The following DMD variants were observed in gnomAD, a reference collection of about 807,000 sequenced individuals.
DMD encodes dystrophin.
DMD carries 63 observed loss-of-function variants against 330.1 expected under a neutral mutation model. The ratio of observed to expected loss-of-function variants is 0.19; its 90% CI spans 0.16 to 0.24. DMD has a LOEUF of 0.24. Among genes scored for constraint, DMD ranks in the 10% least tolerant of loss-of-function variants. DMD has a pLI of 1.00. For synonymous variants in DMD, 1,223 were observed against 959.8 expected, an observed-to-expected ratio of 1.27 and a Z score of -5.07; for missense variants, 3,344 against 2,684.1, an observed-to-expected ratio of 1.25 and a Z score of -5.43.
intron 17 of DMD, among the ~76,000 whole-genome samples, chrX:32,543,113 C>T (rs904643823): frequency 9.0e-6 from 1 of 111,574 alleles, no homozygotes; most frequent in East Asian, 2.8e-4. Flanking sequence ...AAAATACATG[C>T]GATGCCAATA....
intron 27 of DMD, among the ~76,000 whole-genome samples, chrX:32,447,961 G>A (rs985149044): frequency 2.7e-5 from 3 of 110,915 alleles, no homozygotes; most frequent in African/African-American, 9.8e-5. Context: ...AGCTGGTTAG[G>A]TAACATGTCT....
intron 60 of DMD, among the ~76,000 whole-genome samples, chrX:31,396,940 G>A (rs1470531473): frequency 1.8e-5 from 2 of 111,374 alleles, no homozygotes; most frequent in African/African-American, 6.5e-5. Context: ...CCCCGTGAAA[G>A]GCAGGTAAGG....
chrX:32,941,955 T>C (rs1407903668), intron 2 of DMD, among the ~76,000 whole-genome samples: 1 of 112,011 alleles, frequency 8.9e-6, no homozygotes, highest in Admixed American at 9.5e-5. Flanking sequence ...TTTCCTACTC[T>C]GCAGGTTATC....
At chrX:31,540,243 T>C (rs1366792005) in intron 55 of DMD, among the ~76,000 whole-genome samples, 2 of 112,197 alleles carry the variant, frequency 1.8e-5, no homozygotes, top group Non-Finnish European at 3.8e-5. Flanking sequence ...AATCAGTACA[T>C]CTTCTGATGT....
At chrX:32,721,820 G>C (rs959660809) in intron 7 of DMD, among the ~76,000 whole-genome samples, 1 of 109,948 alleles carries the variant, frequency 9.1e-6, no homozygotes, top group Non-Finnish European at 1.9e-5. Flanking sequence ...TATGATTTTA[G>C]GTCTTATATT....
At chrX:32,134,063 T>C (rs1326854701) in intron 44 of DMD, among the ~76,000 whole-genome samples, 2 of 112,019 alleles carry the variant, frequency 1.8e-5, no homozygotes, top group African/African-American at 3.2e-5. Context: ...CAATGAAGAA[T>C]ACCATGATAC....
At chrX:32,805,611 G>C (rs1265555370) in intron 7 of DMD, among the ~76,000 whole-genome samples, 4 of 110,799 alleles carry the variant, frequency 3.6e-5, no homozygotes, top group Non-Finnish European at 7.5e-5. Flanking sequence ...TCCTCAAAAA[G>C]AGCAACCCCA....
intron 2 of DMD, among the ~76,000 whole-genome samples, chrX:32,864,625 G>A (rs916003846): frequency 8.1e-5 from 9 of 111,521 alleles, no homozygotes; most frequent in African/African-American, 9.8e-5. Flanking sequence ...ATTCTTCAAA[G>A]TCCCAAATTC....
chrX:31,976,461 T>G (rs925693847), intron 44 of DMD, among the ~76,000 whole-genome samples: 1 of 111,189 alleles, frequency 9.0e-6, no homozygotes, highest in Non-Finnish European at 1.9e-5. Flanking sequence ...TCCAAACATA[T>G]TTTGGGAATC....
At chrX:32,085,347 T>C (rs2096423851) in intron 44 of DMD, among the ~76,000 whole-genome samples, 1 of 109,549 alleles carries the variant, frequency 9.1e-6, no homozygotes, top group Non-Finnish European at 1.9e-5. Context: ...ATTATGTGAG[T>C]ATGTTGGATA....
intron 55 of DMD, among the ~76,000 whole-genome samples, chrX:31,522,363 C>CTCTCTCTCTCTCTCTCTATATATATATA: frequency 1.1e-4 from 4 of 35,962 alleles, no homozygotes; most frequent in African/African-American, 5.7e-4. Context: ...CTCTCTCTCT[C>CTCTCTCTCTCTCTCTCTATATATATATA]TATATATATA....
chrX:31,174,189 C>G (rs775384792), intron 71 of DMD, among the ~76,000 whole-genome samples: 17 of 111,027 alleles, frequency 1.5e-4, no homozygotes, highest in Non-Finnish European at 3.0e-4. Context: ...ATTTCTAGCA[C>G]AAAATAGAAT....
At chrX:31,247,829 C>G (rs2048982008) in intron 63 of DMD, among the ~76,000 whole-genome samples, 1 of 111,555 alleles carries the variant, frequency 9.0e-6, no homozygotes, top group African/African-American at 3.3e-5. Flanking sequence ...GAAGATATGG[C>G]TGAATTGCTG....
At chrX:32,839,974 G>C (rs1221711410) in intron 4 of DMD, among the ~76,000 whole-genome samples, 2 of 111,713 alleles carry the variant, frequency 1.8e-5, no homozygotes, top group African/African-American at 6.5e-5. Flanking sequence ...CACCCAAAGT[G>C]CTGGTATTAC....
intron 3 of DMD, among the ~76,000 whole-genome samples, chrX:32,847,846 A>C (rs1314144647): frequency 8.9e-6 from 1 of 112,291 alleles, no homozygotes; most frequent in Non-Finnish European, 1.9e-5. Flanking sequence ...ATGTATGTAT[A>C]TGCATAAATG....
At chrX:32,249,983 G>A (rs1198152281) in intron 43 of DMD, among the ~76,000 whole-genome samples, 2 of 101,570 alleles carry the variant, frequency 2.0e-5, no homozygotes, top group Non-Finnish European at 4.0e-5. Flanking sequence ...TGTACATAAT[G>A]TCCCACTTTT....
In DMD at chrX:33,236,376, T is replaced by C. The variant is rs1484130276; in HGVS notation, c.7+102883A>G. On this transcript the variant is annotated intron_variant, in intron 1 of 17. Transcript: ENST00000288447. The stretch of plus-strand genomic sequence containing the variant: ...GCCTTCCAGGTTCTAGTGATTCTCC[T>C]GCCTCAGCCTCTCAAGTAGCTGGGA... Among the ~76,000 whole-genome samples, 3 of 108,582 alleles carry C rather than the reference T, an allele frequency of 2.8e-5. No homozygotes were observed. In the Admixed American group the frequency reaches 3.0e-4, roughly 11 times the overall value. The allele number at this position is 108,582 out of a possible 115,157, so 94.3% of individuals were successfully genotyped here. A position where few individuals can be genotyped will look rare whatever the true frequency, so the allele number is the denominator to read the frequency against.
At chrX:32,320,515 T>C (rs1328629532) in intron 41 of DMD, among the ~76,000 whole-genome samples, 2 of 111,754 alleles carry the variant, frequency 1.8e-5, no homozygotes, top group African/African-American at 6.5e-5. Flanking sequence ...AGTGTAGATA[T>C]AGAACATTGC....
intron 45 of DMD, 120 bp downstream of exon 45, chrX:31,968,219 A>C: frequency 1.2e-6 from 1 of 828,278 alleles, no homozygotes; most frequent in Non-Finnish European, 1.8e-6. Context: ...TTAATGGTTG[A>C]TAGGTTCTTT....
Sources: gnomAD v4.1 joint callset for allele counts (sites outside exome capture counted in the v4.1 genomes callset) on GRCh38, gnomAD v4.1.1 for gene constraint, MANE v1.5 for transcripts, NCBI Gene and HGNC (gene_info 2026-07-23, HGNC 2026-07-21) for gene names.